The following FAM110B variants were observed in gnomAD, a reference collection of about 807,000 sequenced individuals.
FAM110B encodes the protein family with sequence similarity 110 member B, also known as protein FAM110B.
A neutral mutation model predicts 20.4 loss-of-function variants in FAM110B; 6 were observed. The observed-to-expected ratio is 0.29, with a 90% CI of 0.16 to 0.58. The LOEUF is 0.58. Ranked by LOEUF, FAM110B falls within the 20% of genes least tolerant of loss-of-function variation. FAM110B has a pLI of 0.90. For synonymous variants in FAM110B, 226 were observed against 214.1 expected (o/e 1.06, Z -0.49); for missense variants, 434 against 498.2 (o/e 0.87, Z 1.23).
Position 58,087,862 on chromosome 8 carries a change from G to C in FAM110B, c.-325+12239G>C, listed in dbSNP as rs867027297. On this transcript the variant is annotated intron_variant, in intron 3 of 3. Transcript: ENST00000519262. ...TTACATTCTAAACTTTAACCTTTAG[G>C]GGCCAGTGCCCAGTTTAAAAATCAA... Among the ~76,000 whole-genome samples the C allele has an allele frequency of 9.2e-5, 14 of 152,072 alleles. No homozygotes were observed. The South Asian group carries it at 1.2e-3, about 14-fold the overall frequency.
intron 2 of FAM110B, among the ~76,000 whole-genome samples, chr8:58,069,360 A>G (rs944973469): frequency 6.6e-6 from 1 of 152,212 alleles, no homozygotes; most frequent in Non-Finnish European, 1.5e-5. Flanking sequence ...GGTGGCTCCT[A>G]TCATTGTCTT....
intron 1 of FAM110B, among the ~76,000 whole-genome samples, chr8:58,016,928 G>C (rs1340970432): frequency 6.6e-6 from 1 of 152,190 alleles, no homozygotes; most frequent in Admixed American, 6.5e-5. Flanking sequence ...GCTGGAAGCA[G>C]GGAGTAGGGG....
chr8:58,004,795 C>G (rs977474627), intron 1 of FAM110B, among the ~76,000 whole-genome samples: 6 of 152,168 alleles, frequency 3.9e-5, no homozygotes, highest in African/African-American at 1.4e-4. Context: ...TTCAATTATT[C>G]CTTTGCAGCT....
At chr8:58,066,005 G>C (rs1020287262) in intron 2 of FAM110B, among the ~76,000 whole-genome samples, 8 of 152,136 alleles carry the variant, frequency 5.3e-5, no homozygotes, top group African/African-American at 1.7e-4. Context: ...ACAGGGAGGA[G>C]GAGCCGTGAT....
intron 2 of FAM110B, among the ~76,000 whole-genome samples, chr8:58,072,246 T>C (rs1341970130): frequency 2.6e-5 from 4 of 152,210 alleles, no homozygotes; most frequent in African/African-American, 7.2e-5. Flanking sequence ...TTGTCTAGAG[T>C]TCCTTTTGGG....
In FAM110B at chr8:58,105,937, T is replaced by C. The variant is rs561063987; in HGVS notation, c.-325+30314T>C. On this transcript the variant is annotated intron_variant, in intron 3 of 3. Transcript: ENST00000519262. Reference sequence around the variant, plus strand: ...ACTTTTTAGTTTTCCTATATTCAGATGCCTTTTTCAACTTTGAATGTTTAT... The same window carrying C: ...ACTTTTTAGTTTTCCTATATTCAGACGCCTTTTTCAACTTTGAATGTTTAT... Among the ~76,000 whole-genome samples, 5 of 152,300 alleles carry C rather than the reference T, an allele frequency of 3.3e-5. No individual in the cohort carries two copies. In the South Asian group the frequency reaches 1.0e-3, roughly 32 times the overall value.
intron 3 of FAM110B, among the ~76,000 whole-genome samples, chr8:58,097,477 T>C (rs1806661889): frequency 6.6e-6 from 1 of 152,222 alleles, no homozygotes; most frequent in African/African-American, 2.4e-5. Context: ...CTTCCTTGCA[T>C]TGGGTTAGAA....
chr8:58,090,830 T>C (rs926894763), intron 3 of FAM110B, among the ~76,000 whole-genome samples: 3 of 152,214 alleles, frequency 2.0e-5, no homozygotes, highest in Non-Finnish European at 4.4e-5. Context: ...CTATTGTGTG[T>C]TTTTTGTGGA....
chr8:58,119,491 G>A (rs550790938), intron 3 of FAM110B, among the ~76,000 whole-genome samples: 1 of 152,188 alleles, frequency 6.6e-6, no homozygotes. Context: ...TTTTAATACT[G>A]TTGCACTGGG....
intron 3 of FAM110B, among the ~76,000 whole-genome samples, chr8:58,096,794 C>CT (rs1478077383): frequency 6.6e-6 from 1 of 152,096 alleles, no homozygotes; most frequent in Non-Finnish European, 1.5e-5. Context: ...TTCTCCTTTG[C>CT]TTATGATGTT....
intron 2 of FAM110B, among the ~76,000 whole-genome samples, chr8:58,066,406 A>T (rs547472327): frequency 1.2e-4 from 19 of 152,174 alleles, no homozygotes; most frequent in Non-Finnish European, 2.5e-4. Flanking sequence ...AGGGATGCCA[A>T]GTGTCTGTGG....
At chr8:57,997,818 A>G (rs555115022) in intron 1 of FAM110B, among the ~76,000 whole-genome samples, 4 of 152,330 alleles carry the variant, frequency 2.6e-5, no homozygotes, top group African/African-American at 9.6e-5. Flanking sequence ...TGGCTCTGGG[A>G]CCAGCAAAAT....
chr8:58,147,215 A>G lies in FAM110B; in HGVS notation c.985A>G (p.Arg329Gly). The G allele has an allele frequency of 6.2e-7, 1 of 1,614,120 alleles. No homozygotes were observed. The highest frequency in any genetic ancestry group is 1.1e-5 in the South Asian group (1 of 91,076). Residue 329 changes from arginine (R) to glycine (G), a missense_variant, in exon 4 of 4, where the codon AGA becomes GGA. Arg to Gly is a moderately radical substitution (Grantham distance 125). Coordinates refer to ENST00000519262, the MANE Select transcript of FAM110B (RefSeq NM_001377989.1). The part of the protein sequence containing the change: ...EQSQDSNSDL[R>G]NDDSANDRVP... ...GTCTCAGGACAGTAACAGTGACCTT[A>G]GAAATGATGACAGTGCCAATGACCG...
chr8:58,096,480 C>T (rs1018969439), intron 3 of FAM110B, among the ~76,000 whole-genome samples: 27 of 152,086 alleles, frequency 1.8e-4, no homozygotes, highest in Non-Finnish European at 1.2e-4. Context: ...CCAGCCGGGT[C>T]TTGACTCTTT....
chr8:58,002,137 G>A (rs1397854841), intron 1 of FAM110B, among the ~76,000 whole-genome samples: 1 of 152,122 alleles, frequency 6.6e-6, no homozygotes, highest in Non-Finnish European at 1.5e-5. Context: ...ACATTGGGGA[G>A]GGCCTTTTCC....
At chr8:58,069,139 T>C (rs1805836634) in intron 2 of FAM110B, among the ~76,000 whole-genome samples, 2 of 152,226 alleles carry the variant, frequency 1.3e-5, no homozygotes, top group African/African-American at 4.8e-5. Flanking sequence ...CTTCTCAGCC[T>C]TCATGGCTTC....
chr8:58,005,527 A>C (rs1189572060), intron 1 of FAM110B, among the ~76,000 whole-genome samples: 7 of 152,254 alleles, frequency 4.6e-5, no homozygotes, highest in African/African-American at 7.2e-5. Context: ...TTGTAAAAAA[A>C]CATTATCTTT....
chr8:58,135,606 C>T (rs1332271621), intron 3 of FAM110B, among the ~76,000 whole-genome samples: 1 of 152,164 alleles, frequency 6.6e-6, no homozygotes, highest in African/African-American at 2.4e-5. Context: ...GCACAGTAAA[C>T]TTTATCATTT....
intron 3 of FAM110B, among the ~76,000 whole-genome samples, chr8:58,093,309 C>A (rs1585879727): frequency 1.3e-5 from 2 of 152,296 alleles, no homozygotes; most frequent in East Asian, 3.9e-4. Context: ...GTGTTTTAGT[C>A]ATGAAGTCCT....
Sources: allele counts gnomAD v4.1 joint callset (sites outside exome capture counted in the v4.1 genomes callset), GRCh38; gene constraint gnomAD v4.1.1; transcripts MANE v1.5; gene names NCBI Gene and HGNC (gene_info 2026-07-23, HGNC 2026-07-21).